The following ZMYND11 variants were observed in gnomAD, a reference collection of about 807,000 sequenced individuals.
ZMYND11 encodes the protein zinc finger MYND-type containing 11, also known as zinc finger MYND domain-containing protein 11.
ZMYND11 carries 9 observed loss-of-function variants against 84.9 expected under a neutral mutation model. The ratio of observed to expected loss-of-function variants is 0.11; its 90% CI spans 0.06 to 0.18. The LOEUF (loss-of-function observed/expected upper bound fraction) is 0.18. Ranked by LOEUF, ZMYND11 falls within the 10% of genes least tolerant of loss-of-function variation. The pLI, the probability that ZMYND11 is intolerant of heterozygous loss-of-function variation, is 1.00. For missense variants in ZMYND11, 409 were observed against 761.0 expected (o/e 0.54, Z 5.44); for synonymous variants, 250 against 244.1 (o/e 1.02, Z -0.23).
intron 1 of ZMYND11, among the ~76,000 whole-genome samples, chr10:177,317 C>T (rs1019859708): frequency 1.3e-5 from 2 of 152,080 alleles, no homozygotes; most frequent in Non-Finnish European, 2.9e-5. Flanking sequence ...ATTTGTCTTT[C>T]CCTGGCATTT....
At chr10:159,147 C>T (rs1418039328) in intron 1 of ZMYND11, among the ~76,000 whole-genome samples, 4 of 147,734 alleles carry the variant, frequency 2.7e-5, no homozygotes. Flanking sequence ...GCTGACTGTA[C>T]TCCACTGTAT....
At chr10:156,754 G>C (rs1841808788) in intron 1 of ZMYND11, among the ~76,000 whole-genome samples, 1 of 152,158 alleles carries the variant, frequency 6.6e-6, no homozygotes, top group Non-Finnish European at 1.5e-5. Flanking sequence ...GAGAATTTCA[G>C]GTTGTTTGGT....
At chr10:139,171 C>T (rs1836875899) in intron 1 of ZMYND11, among the ~76,000 whole-genome samples, 2 of 152,280 alleles carry the variant, frequency 1.3e-5, no homozygotes, top group South Asian at 4.1e-4. Context: ...ATACAAATAA[C>T]TAAAATACAC....
At chr10:188,085 A>G (rs890900374) in intron 2 of ZMYND11, among the ~76,000 whole-genome samples, 3 of 152,214 alleles carry the variant, frequency 2.0e-5, no homozygotes, top group African/African-American at 7.2e-5. Context: ...GCTAGCACAT[A>G]TGAATTAATC....
chr10:197,211 G>T (rs990640906), intron 2 of ZMYND11, among the ~76,000 whole-genome samples: 1 of 144,230 alleles, frequency 6.9e-6, no homozygotes, highest in Non-Finnish European at 1.5e-5. Context: ...GCCCACGTGC[G>T]CATTGTGTTC....
At chr10:180,987 A>G (rs555419671) in intron 2 of ZMYND11, among the ~76,000 whole-genome samples, 1 of 152,328 alleles carries the variant, frequency 6.6e-6, no homozygotes, top group Non-Finnish European at 1.5e-5. Context: ...ATACCAAAAA[A>G]AAAAATCAAA....
chr10:216,919 GATT>G (rs1372236112), intron 3 of ZMYND11, among the ~76,000 whole-genome samples: 11 of 152,136 alleles, frequency 7.2e-5, no homozygotes, highest in African/African-American at 2.4e-4. Context: ...GTAACCATCA[GATT>G]ATTATCTCCT....
chr10:184,537 T>C (rs1256573326), intron 2 of ZMYND11, among the ~76,000 whole-genome samples: 1 of 152,230 alleles, frequency 6.6e-6, no homozygotes, highest in Admixed American at 6.5e-5. Context: ...TTACTTCAAA[T>C]GTTTAACTCA....
intron 2 of ZMYND11, among the ~76,000 whole-genome samples, chr10:186,073 G>A (rs968108732): frequency 2.0e-5 from 3 of 150,600 alleles, no homozygotes; most frequent in Non-Finnish European, 4.4e-5. Context: ...GCAGTGGAGC[G>A]ATCTCGGCTC....
At chr10:207,747 A>C in intron 2 of ZMYND11, among the ~76,000 whole-genome samples, 1 of 152,212 alleles carries the variant, frequency 6.6e-6, no homozygotes. Context: ...ATTCAATGCC[A>C]TCCCCATCAA....
intron 1 of ZMYND11, among the ~76,000 whole-genome samples, chr10:136,359 G>A (rs114996501): frequency 0.019 from 2,946 of 152,298 alleles, 89 homozygotes; most frequent in African/African-American, 0.067. Flanking sequence ...CAGAGTGACC[G>A]CCGTACCTGT....
At chr10:200,316 A>AC (rs1181541631) in intron 2 of ZMYND11, among the ~76,000 whole-genome samples, 1 of 10,282 alleles carries the variant, frequency 9.7e-5, no homozygotes, top group Non-Finnish European at 7.8e-4. Context: ...TATAATATAT[A>AC]ACATATAATA....
chr10:185,559 A>G (rs929276929), intron 2 of ZMYND11, among the ~76,000 whole-genome samples: 4 of 150,766 alleles, frequency 2.7e-5, no homozygotes, highest in Non-Finnish European at 5.9e-5. Context: ...TGTGCCTATA[A>G]TCCCAGCACT....
intron 1 of ZMYND11, among the ~76,000 whole-genome samples, chr10:170,608 T>G (rs562925134): frequency 4.6e-5 from 7 of 152,126 alleles, no homozygotes; most frequent in Non-Finnish European, 1.0e-4. Context: ...CAGTATAATG[T>G]TATTCGAAAG....
intron 4 of ZMYND11, among the ~76,000 whole-genome samples, chr10:229,970 C>G (rs1948723780): frequency 6.6e-6 from 1 of 152,124 alleles, no homozygotes; most frequent in Non-Finnish European, 1.5e-5. Context: ...TCTATAATCT[C>G]AGAACACAAA....
chr10:157,054 C>T (rs1841877965), intron 1 of ZMYND11, among the ~76,000 whole-genome samples: 1 of 152,118 alleles, frequency 6.6e-6, no homozygotes, highest in South Asian at 2.1e-4. Flanking sequence ...GGATAAGCTA[C>T]TGCATACCAT....
intron 10 of ZMYND11, among the ~76,000 whole-genome samples, chr10:244,889 T>G (rs1474594028): frequency 6.6e-6 from 1 of 152,238 alleles, no homozygotes; most frequent in Non-Finnish European, 1.5e-5. Context: ...TCCACTTTAT[T>G]TAAGATAAAT....
chr10:141,358 C>G (rs1257651198), intron 1 of ZMYND11, among the ~76,000 whole-genome samples: 1 of 152,130 alleles, frequency 6.6e-6, no homozygotes, highest in African/African-American at 2.4e-5. Context: ...GTAGAGTTTT[C>G]AGTTCAGAGT....
At chr10:165,096 C>G (rs1428168477) in intron 1 of ZMYND11, among the ~76,000 whole-genome samples, 1 of 152,102 alleles carries the variant, frequency 6.6e-6, no homozygotes, top group Non-Finnish European at 1.5e-5. Flanking sequence ...AAAGAGTTCT[C>G]TATTTCAGTT....
Sources: allele counts gnomAD v4.1 joint callset (sites outside exome capture counted in the v4.1 genomes callset), GRCh38; gene constraint gnomAD v4.1.1; transcripts MANE v1.5; gene names NCBI Gene and HGNC (gene_info 2026-07-23, HGNC 2026-07-21).